Variants in PHACTR1 observed in about 807,000 individuals in gnomAD.
The protein encoded by PHACTR1 is RPEL repeat containing 1.
In PHACTR1, 16 loss-of-function variants were observed where a neutral mutation model predicts 69.2. The ratio of observed to expected loss-of-function variants is 0.23; its 90% confidence interval spans 0.16 to 0.35. The LOEUF (loss-of-function observed/expected upper bound fraction) is 0.35, where lower values mean the gene tolerates loss of function less well. Ranked by LOEUF, PHACTR1 falls within the 10% of genes least tolerant of loss-of-function variation. The pLI, the probability that PHACTR1 is intolerant of heterozygous loss-of-function variation, is 1.00. For missense variants in PHACTR1, 510 were observed against 734.7 expected (o/e 0.69, Z 3.54); for synonymous variants, 312 against 284.5 (o/e 1.10, Z -0.97).
intron 4 of PHACTR1, among the ~76,000 whole-genome samples, chr6:12,887,319 G>T (rs1038324188): frequency 1.3e-5 from 2 of 152,168 alleles, no homozygotes; most frequent in African/African-American, 4.8e-5. Context: ...GACAGTAAAG[G>T]GAGGCTTAAC....
chr6:12,934,600 C>A (rs1789235879), intron 4 of PHACTR1, among the ~76,000 whole-genome samples: 1 of 152,140 alleles, frequency 6.6e-6, no homozygotes, highest in East Asian at 1.9e-4. Context: ...CTTTGGGAGG[C>A]CGAGGCAGGT....
intron 5 of PHACTR1, among the ~76,000 whole-genome samples, chr6:13,053,803 CT>C (rs1363062486): frequency 1.3e-5 from 2 of 152,144 alleles, no homozygotes; most frequent in Non-Finnish European, 2.9e-5. Context: ...AGACCTCTGC[CT>C]TTTCTATAAT....
chr6:13,070,270 T>A (rs1809299486), intron 5 of PHACTR1, among the ~76,000 whole-genome samples: 1 of 152,212 alleles, frequency 6.6e-6, no homozygotes, highest in Admixed American at 6.5e-5. Flanking sequence ...TTCTTTGACC[T>A]TTTCCCTTTG....
chr6:13,113,138 G>A (rs1404021124), intron 5 of PHACTR1, among the ~76,000 whole-genome samples: 3 of 151,954 alleles, frequency 2.0e-5, no homozygotes, highest in South Asian at 2.1e-4. Flanking sequence ...GAGTTTGAGG[G>A]TGCAGTGAGC....
chr6:12,970,248 C>G (rs560311299), intron 4 of PHACTR1, among the ~76,000 whole-genome samples: 1 of 152,288 alleles, frequency 6.6e-6, no homozygotes, highest in South Asian at 2.1e-4. Context: ...GACTAAACTT[C>G]TCTTCCTCAC....
chr6:12,889,440 C>T (rs573508334), intron 4 of PHACTR1, among the ~76,000 whole-genome samples: 1 of 152,260 alleles, frequency 6.6e-6, no homozygotes, highest in African/African-American at 2.4e-5. Flanking sequence ...GGGAGAACTA[C>T]AAATGTAAAG....
intron 8 of PHACTR1, among the ~76,000 whole-genome samples, chr6:13,218,812 AGGAG>A (rs1562013133): frequency 6.9e-6 from 1 of 145,862 alleles, no homozygotes; most frequent in Non-Finnish European, 1.5e-5. Flanking sequence ...AAGAAGAAGA[AGGAG>A]GAGGAGGAGG....
intron 4 of PHACTR1, among the ~76,000 whole-genome samples, chr6:13,028,421 A>G (rs1291659390): frequency 1.3e-5 from 2 of 152,222 alleles, no homozygotes; most frequent in South Asian, 4.1e-4. Flanking sequence ...ATAAATGCAA[A>G]TTAAATTATT....
At chr6:13,018,827 G>A (rs995838618) in intron 4 of PHACTR1, among the ~76,000 whole-genome samples, 1 of 152,034 alleles carries the variant, frequency 6.6e-6, no homozygotes, top group African/African-American at 2.4e-5. Context: ...ATGGCACAGG[G>A]TTTTTAAGCA....
chr6:13,014,749 C>T (rs541968433), intron 4 of PHACTR1, among the ~76,000 whole-genome samples: 199 of 152,360 alleles, frequency 1.3e-3, no homozygotes, highest in African/African-American at 4.4e-3. Context: ...GGGCGCGCAG[C>T]CGCATCTTCC....
chr6:13,228,888 G>T (rs531176396), intron 9 of PHACTR1, among the ~76,000 whole-genome samples: 13 of 152,228 alleles, frequency 8.5e-5, no homozygotes, highest in Admixed American at 8.5e-4. Flanking sequence ...TAAAACTAGT[G>T]GAGGAAGAAA....
chr6:12,742,291 C>A (rs1054545995), intron 3 of PHACTR1, among the ~76,000 whole-genome samples: 1 of 152,060 alleles, frequency 6.6e-6, no homozygotes, highest in African/African-American at 2.4e-5. Flanking sequence ...AGGGTTCCTC[C>A]CCCTTTTTAG....
At chr6:13,183,456 A>T (rs1258833934) in intron 7 of PHACTR1, among the ~76,000 whole-genome samples, 2 of 151,828 alleles carry the variant, frequency 1.3e-5, no homozygotes, top group Non-Finnish European at 2.9e-5. Context: ...GGTGGGAGGG[A>T]TGAGGTTTCA....
At position 12,845,696 on chromosome 6, in the gene PHACTR1, C is replaced by T. The variant is rs75421768; in HGVS notation, c.250+95906C>T. Among the ~76,000 whole-genome samples, 1,035 of 152,258 alleles carry T rather than the reference C, an allele frequency of 6.8e-3. 16 individuals carry two copies. The highest frequency in any genetic ancestry group is 0.024 in the African/African-American group (987 of 41,528). On this transcript the variant is annotated intron_variant, in intron 4 of 14. Coordinates refer to ENST00000332995, the MANE Select transcript of PHACTR1 (RefSeq NM_030948.6). The stretch of plus-strand genomic sequence containing the variant: ...TCCTGCACATCTGAGTGCCAGAATT[C>T]TGTGCTTTATTAAGTTCCTTTTGTG...
intron 5 of PHACTR1, among the ~76,000 whole-genome samples, chr6:13,099,780 C>T (rs964934041): frequency 6.6e-6 from 1 of 152,298 alleles, no homozygotes; most frequent in Admixed American, 6.5e-5. Flanking sequence ...TCAGCTTTCT[C>T]TTTACCAAGA....
At chr6:13,047,452 A>G (rs1314757251) in intron 4 of PHACTR1, among the ~76,000 whole-genome samples, 3 of 147,986 alleles carry the variant, frequency 2.0e-5, no homozygotes, top group African/African-American at 7.5e-5. Flanking sequence ...CCTTACCTCC[A>G]CTCTGATCTT....
intron 11 of PHACTR1, among the ~76,000 whole-genome samples, chr6:13,277,474 G>A (rs1779159330): frequency 6.6e-6 from 1 of 152,146 alleles, no homozygotes; most frequent in South Asian, 2.1e-4. Context: ...TCCTGCAGCA[G>A]GTTGAGGGCA....
At chr6:13,248,079 C>T (rs1346612088) in intron 10 of PHACTR1, among the ~76,000 whole-genome samples, 2 of 152,166 alleles carry the variant, frequency 1.3e-5, no homozygotes, top group African/African-American at 2.4e-5. Flanking sequence ...CTGAAGCCTG[C>T]CATATCAGTA....
Position 12,969,885 on chromosome 6 carries a change from C to T in PHACTR1, c.251-83480C>T, listed in dbSNP as rs188752630. Among the ~76,000 whole-genome samples the T allele has an allele frequency of 7.8e-3, 1,191 of 152,270 alleles. 10 individuals are homozygous for T. The highest frequency in any genetic ancestry group is 0.016 in the Admixed American group (238 of 15,294). On this transcript the variant is annotated intron_variant, in intron 4 of 14. Transcript: ENST00000332995. ...GGCTGAGGCAGGAGAATTGCTTGAA[C>T]CCAGGAGGTGGAGGTTGCAGTGAGC...
Sources: allele counts gnomAD v4.1 joint callset (sites outside exome capture counted in the v4.1 genomes callset), GRCh38; gene constraint gnomAD v4.1.1; transcripts MANE v1.5; gene names NCBI Gene and HGNC (gene_info 2026-07-23, HGNC 2026-07-21).